The following NKAIN2 variants were observed in gnomAD, a reference collection of about 807,000 sequenced individuals.
NKAIN2 encodes the protein sodium/potassium-transporting ATPase subunit beta-1-interacting protein 2.
Under a neutral mutation model 32.6 loss-of-function variants are expected in NKAIN2, and 14 were observed. The ratio of observed to expected loss-of-function variants is 0.43; its 90% CI spans 0.28 to 0.67. The LOEUF is 0.67. NKAIN2 is among the 30% of genes least tolerant of loss of function. NKAIN2 has a pLI of 0.17. For synonymous variants in NKAIN2, 80 were observed against 87.2 expected, an observed-to-expected ratio of 0.92 and a Z score of 0.46; for missense variants, 198 against 258.3, an observed-to-expected ratio of 0.77 and a Z score of 1.60.
At chr6:124,398,344 G>A (rs1170689834) in intron 3 of NKAIN2, among the ~76,000 whole-genome samples, 1 of 150,142 alleles carries the variant, frequency 6.7e-6, no homozygotes, top group Non-Finnish European at 1.5e-5. Context: ...CCACTTCACA[G>A]GTAGAATTTA....
rs973501997 is a variant in NKAIN2, at chr6:124,824,209, T to C, written c.*980T>C. ...TTTATAAGTATCTACAATTGTCTTT[T>C]ACTAACACAGAAACAGCTGTGGATT... is the stretch of plus-strand genomic sequence containing the variant. On this transcript the variant is annotated 3_prime_UTR_variant, in exon 7 of 7. Transcript: ENST00000368417. 2 of 152,640 alleles carry C rather than the reference T, an allele frequency of 1.3e-5. No individual in the cohort carries two copies. Among genetic ancestry groups the C allele is most frequent in the Non-Finnish European group, 2.9e-5 (2 of 68,042 alleles). 9.5% of individuals were successfully genotyped at this position (152,640 alleles called of 1,614,324 possible). A position where few individuals can be genotyped will look rare whatever the true frequency, so the allele number is the denominator to read the frequency against.
At chr6:124,075,089 T>C (rs560104944) in intron 1 of NKAIN2, among the ~76,000 whole-genome samples, 1 of 152,164 alleles carries the variant, frequency 6.6e-6, no homozygotes, top group East Asian at 1.9e-4. Flanking sequence ...TATCTTGGGT[T>C]AAATTGAGGC....
At chr6:124,657,102 T>C (rs1462157517) in intron 3 of NKAIN2, among the ~76,000 whole-genome samples, 1 of 152,194 alleles carries the variant, frequency 6.6e-6, no homozygotes, top group Non-Finnish European at 1.5e-5. Flanking sequence ...CCATTTCAAC[T>C]CAACCTTTCC....
intron 3 of NKAIN2, among the ~76,000 whole-genome samples, chr6:124,403,877 T>C (rs1177585764): frequency 6.6e-6 from 1 of 152,224 alleles, no homozygotes; most frequent in Non-Finnish European, 1.5e-5. Context: ...TTCAATTTAG[T>C]TCAAATCTGT....
At chr6:124,118,073 T>C (rs1166332626) in intron 1 of NKAIN2, among the ~76,000 whole-genome samples, 1 of 152,110 alleles carries the variant, frequency 6.6e-6, no homozygotes, top group Non-Finnish European at 1.5e-5. Flanking sequence ...CTTTCCTTCT[T>C]GTATTCTGGA....
intron 1 of NKAIN2, among the ~76,000 whole-genome samples, chr6:123,983,729 T>G (rs1779005228): frequency 3.4e-5 from 3 of 87,928 alleles, no homozygotes; most frequent in Non-Finnish European, 4.4e-5. Flanking sequence ...TCAACCAAGT[T>G]ATGGTATATA....
intron 1 of NKAIN2, among the ~76,000 whole-genome samples, chr6:123,898,796 G>A (rs73770302): frequency 0.058 from 8,876 of 152,108 alleles, 824 homozygotes; most frequent in African/African-American, 0.2. Context: ...CCTATGTCTT[G>A]GCAACTTTTA....
Position 123,997,242 on chromosome 6 carries a change from T to C in NKAIN2, c.54+192988T>C, listed in dbSNP as rs183447563. ...GATATCTTGCATTAAATACAATCTG[T>C]TTCAAGCAATTTCTCTTGCAATATT... On this transcript the variant is annotated intron_variant, in intron 1 of 6. Coordinates refer to ENST00000368417, the MANE Select transcript of NKAIN2 (RefSeq NM_001040214.3). Among the ~76,000 whole-genome samples the C allele has an allele frequency of 3.0e-4, 45 of 152,334 alleles. No individual in the cohort carries two copies. The East Asian group carries it at 7.7e-3, about 26-fold the overall frequency.
At chr6:123,967,875 T>C (rs1344930343) in intron 1 of NKAIN2, among the ~76,000 whole-genome samples, 1 of 152,170 alleles carries the variant, frequency 6.6e-6, no homozygotes, top group Admixed American at 6.5e-5. Context: ...GAGGAGCCAG[T>C]GTGCTCGCTC....
intron 1 of NKAIN2, among the ~76,000 whole-genome samples, chr6:123,912,151 G>C (rs537420462): frequency 2.6e-5 from 4 of 151,662 alleles, no homozygotes; most frequent in African/African-American, 4.8e-5. Context: ...GTGATTAAAG[G>C]GTTTTTATTA....
chr6:124,699,784 T>C (rs1774683152), intron 4 of NKAIN2, among the ~76,000 whole-genome samples: 1 of 152,178 alleles, frequency 6.6e-6, no homozygotes, highest in South Asian at 2.1e-4. Flanking sequence ...CTATTTTCTT[T>C]ATAAATTACC....
At chr6:124,801,327 C>G (rs971137099) in intron 5 of NKAIN2, among the ~76,000 whole-genome samples, 4 of 152,016 alleles carry the variant, frequency 2.6e-5, no homozygotes, top group African/African-American at 9.7e-5. Context: ...GAACTAATCC[C>G]AGAAATATGG....
intron 5 of NKAIN2, among the ~76,000 whole-genome samples, chr6:124,809,506 G>T (rs1346525389): frequency 4.0e-4 from 60 of 149,970 alleles, no homozygotes; most frequent in Admixed American, 2.1e-3. Flanking sequence ...AGACTTAAAC[G>T]TTGGACCTAA....
intron 4 of NKAIN2, among the ~76,000 whole-genome samples, chr6:124,748,152 A>G (rs1386640411): frequency 1.3e-5 from 2 of 151,986 alleles, no homozygotes; most frequent in African/African-American, 4.8e-5. Context: ...CAGAACAATA[A>G]GGCCACAACA....
At chr6:124,759,242 T>C (rs1778106457) in intron 4 of NKAIN2, among the ~76,000 whole-genome samples, 1 of 152,124 alleles carries the variant, frequency 6.6e-6, no homozygotes, top group African/African-American at 2.4e-5. Flanking sequence ...AGACAGCATA[T>C]GGATGTGCAA....
At chr6:124,572,343 T>C (rs925117939) in intron 3 of NKAIN2, among the ~76,000 whole-genome samples, 3 of 152,242 alleles carry the variant, frequency 2.0e-5, no homozygotes, top group South Asian at 2.1e-4. Context: ...TCCAGTCAAG[T>C]TGATAGTTAA....
Position 124,560,480 on chromosome 6 carries a change from T to A in NKAIN2, c.274-97706T>A, listed in dbSNP as rs118153905. Among the ~76,000 whole-genome samples, 591 of 152,372 alleles carry A rather than the reference T, an allele frequency of 3.9e-3. 1 individual carries two copies. The highest frequency in any genetic ancestry group is 6.2e-3 in the Non-Finnish European group (424 of 68,044). ...CAAGAACGAACTAATACAAGCATCATAATTAAAAGCATGTAATCTTTGCCA... is the reference window on the plus strand; with the variant it reads ...CAAGAACGAACTAATACAAGCATCAAAATTAAAAGCATGTAATCTTTGCCA... On this transcript the variant is annotated intron_variant, in intron 3 of 6. Transcript: ENST00000368417.
chr6:124,124,064 T>C (rs530502164), intron 1 of NKAIN2, among the ~76,000 whole-genome samples: 111 of 152,306 alleles, frequency 7.3e-4, no homozygotes, highest in African/African-American at 2.2e-3. Flanking sequence ...TATGATGCTG[T>C]CATACTTGCT....
chr6:124,630,947 T>A (rs753047426), intron 3 of NKAIN2, among the ~76,000 whole-genome samples: 16 of 152,198 alleles, frequency 1.1e-4, no homozygotes, highest in Non-Finnish European at 1.9e-4. Context: ...ATTTTTATAG[T>A]ACAAAATTAC....
Sources: allele counts gnomAD v4.1 joint callset (sites outside exome capture counted in the v4.1 genomes callset), GRCh38; gene constraint gnomAD v4.1.1; transcripts MANE v1.5; gene names NCBI Gene and HGNC (gene_info 2026-07-23, HGNC 2026-07-21).